The following AIG1 variants were observed in gnomAD, a reference collection of about 807,000 sequenced individuals.
AIG1 encodes androgen induced 1.
A neutral mutation model predicts 31.4 loss-of-function variants in AIG1; 23 were observed. That is an observed-to-expected ratio of 0.73 (90% CI 0.53 to 1.04). The LOEUF is 1.04. Among genes scored for constraint, AIG1 ranks in the 50% least tolerant of loss-of-function variants. The probability of loss-of-function intolerance (pLI) is 0.00; values close to 1 mark genes in which losing one functional copy is unlikely to be tolerated. For synonymous variants in AIG1, 100 were observed against 110.5 expected (o/e 0.90, Z 0.60); for missense variants, 274 against 295.0 (o/e 0.93, Z 0.52).
At chr6:143,124,361 A>G (rs1164465339) in intron 1 of AIG1, among the ~76,000 whole-genome samples, 1 of 152,192 alleles carries the variant, frequency 6.6e-6, no homozygotes, top group African/African-American at 2.4e-5. Context: ...GGGAATGTGC[A>G]GTCCCTCAGT....
chr6:143,248,720 C>T (rs1278545621), intron 3 of AIG1, among the ~76,000 whole-genome samples: 2 of 152,184 alleles, frequency 1.3e-5, no homozygotes, highest in African/African-American at 4.8e-5. Context: ...AATAGGTGTG[C>T]TTCATCCTCC....
At chr6:143,136,457 A>G (rs1006546086) in intron 1 of AIG1, among the ~76,000 whole-genome samples, 2 of 152,228 alleles carry the variant, frequency 1.3e-5, no homozygotes, top group Non-Finnish European at 2.9e-5. Context: ...TATATTGACT[A>G]GTAGAAACCA....
intron 4 of AIG1, among the ~76,000 whole-genome samples, chr6:143,304,100 G>C (rs1799055376): frequency 6.6e-6 from 1 of 151,200 alleles, no homozygotes; most frequent in African/African-American, 2.4e-5. Flanking sequence ...TGCTGAAGTT[G>C]CTTATCAGCT....
At chr6:143,251,114 G>T (rs934771975) in intron 3 of AIG1, among the ~76,000 whole-genome samples, 1 of 152,136 alleles carries the variant, frequency 6.6e-6, no homozygotes, top group African/African-American at 2.4e-5. Flanking sequence ...GTGCAGTGGC[G>T]CAATCTCGGC....
chr6:143,178,109 C>G (rs983870303), intron 3 of AIG1, among the ~76,000 whole-genome samples: 5 of 152,168 alleles, frequency 3.3e-5, no homozygotes, highest in African/African-American at 1.2e-4. Flanking sequence ...GGAGTGCGTG[C>G]ATTGCCTCCC....
intron 1 of AIG1, among the ~76,000 whole-genome samples, chr6:143,136,575 C>T (rs920127805): frequency 6.6e-6 from 1 of 152,022 alleles, no homozygotes; most frequent in African/African-American, 2.4e-5. Context: ...TTCTGATGGG[C>T]CCTATTTAGA....
intron 1 of AIG1, among the ~76,000 whole-genome samples, chr6:143,092,179 A>T (rs1363563924): frequency 6.6e-6 from 1 of 151,940 alleles, no homozygotes; most frequent in Non-Finnish European, 1.5e-5. Context: ...AACATGGCTC[A>T]CTGCAGCCTT....
chr6:143,178,489 T>C (rs561249918), intron 3 of AIG1, among the ~76,000 whole-genome samples: 4 of 152,324 alleles, frequency 2.6e-5, no homozygotes, highest in African/African-American at 9.6e-5. Context: ...TCTCCTCTTA[T>C]TAGGACTACA....
chr6:143,190,597 A>G (rs1789705162), intron 3 of AIG1: 1 of 985,428 alleles, frequency 1.0e-6, no homozygotes, highest in African/African-American at 1.7e-5. Flanking sequence ...CTTACAAAAA[A>G]CTTCATTCAG....
intron 3 of AIG1, among the ~76,000 whole-genome samples, chr6:143,250,322 C>T (rs760452312): frequency 4.6e-5 from 7 of 152,166 alleles, no homozygotes; most frequent in Non-Finnish European, 7.3e-5. Flanking sequence ...GTTTTCATGC[C>T]ACTTACTCTG....
intron 3 of AIG1, among the ~76,000 whole-genome samples, chr6:143,204,121 G>A (rs1010045932): frequency 4.6e-5 from 7 of 152,172 alleles, no homozygotes; most frequent in Non-Finnish European, 1.0e-4. Flanking sequence ...CCCTGTTCCA[G>A]TATCCACTGT....
chr6:143,084,872 G>A (rs1303335860), intron 1 of AIG1, among the ~76,000 whole-genome samples: 3 of 152,094 alleles, frequency 2.0e-5, no homozygotes, highest in Admixed American at 6.5e-5. Flanking sequence ...TCCTAATGAG[G>A]GTCTACACTG....
At chr6:143,186,328 A>G (rs1485100358) in intron 3 of AIG1, among the ~76,000 whole-genome samples, 2 of 152,074 alleles carry the variant, frequency 1.3e-5, no homozygotes, top group Non-Finnish European at 2.9e-5. Context: ...TTTTTCTCCT[A>G]TTGTTTTTAC....
chr6:143,216,456 A>G (rs1032362689), intron 3 of AIG1, among the ~76,000 whole-genome samples: 28 of 152,194 alleles, frequency 1.8e-4, no homozygotes, highest in African/African-American at 6.5e-4. Flanking sequence ...GAATTATATG[A>G]CAAAACTTTC....
At chr6:143,185,806 A>G (rs1417288841) in intron 3 of AIG1, among the ~76,000 whole-genome samples, 1 of 152,210 alleles carries the variant, frequency 6.6e-6, no homozygotes, top group Admixed American at 6.5e-5. Flanking sequence ...ATGAACTTCT[A>G]TCACATTTCC....
At position 143,152,258 on chromosome 6, in the gene AIG1, A is replaced by G. The variant is rs961997943; in HGVS notation, c.298-12824A>G. Among the ~76,000 whole-genome samples, 5 of 152,280 alleles carry G rather than the reference A, an allele frequency of 3.3e-5. 1 individual carries two copies. The Middle Eastern group carries it at 0.01, about 311-fold the overall frequency. ...GATTGGATTAAATTAGATTTTTCTT[A>G]CTTTTATCCTCAGGTAACTGAGATG... is the stretch of plus-strand genomic sequence containing the variant. On this transcript the variant is annotated intron_variant, in intron 2 of 5. Coordinates refer to ENST00000357847, the MANE Select transcript of AIG1 (RefSeq NM_016108.4).
chr6:143,260,782 G>A (rs1392610600), intron 3 of AIG1, among the ~76,000 whole-genome samples: 2 of 152,210 alleles, frequency 1.3e-5, no homozygotes, highest in African/African-American at 4.8e-5. Flanking sequence ...AAGCTAGTGA[G>A]TGCAAAGCTA....
intron 3 of AIG1, among the ~76,000 whole-genome samples, chr6:143,216,582 T>G (rs1462652296): frequency 2.0e-5 from 3 of 152,370 alleles, no homozygotes; most frequent in East Asian, 3.9e-4. Flanking sequence ...GCAGAGACTT[T>G]ACTTGTTGCT....
intron 3 of AIG1, among the ~76,000 whole-genome samples, chr6:143,172,782 G>C (rs888524718): frequency 4.6e-5 from 7 of 151,980 alleles, no homozygotes; most frequent in Non-Finnish European, 8.8e-5. Flanking sequence ...TTTCTTCCTG[G>C]TTTAATCTAG....
Sources: allele counts gnomAD v4.1 joint callset (sites outside exome capture counted in the v4.1 genomes callset), GRCh38; gene constraint gnomAD v4.1.1; transcripts MANE v1.5; gene names NCBI Gene and HGNC (gene_info 2026-07-23, HGNC 2026-07-21).